Variants in NRXN3 observed in about 807,000 individuals in gnomAD.
The protein encoded by NRXN3 is neurexin III.
NRXN3 carries 32 observed loss-of-function variants against 137.6 expected under a neutral mutation model. The observed-to-expected ratio is 0.23, with a 90% confidence interval of 0.18 to 0.31. The LOEUF is 0.31. Among genes scored for constraint, NRXN3 ranks in the 10% least tolerant of loss-of-function variants. NRXN3 has a pLI of 1.00. For missense variants in NRXN3, 1,574 were observed against 2,062.5 expected, an observed-to-expected ratio of 0.76 and a Z score of 4.59; for synonymous variants, 798 against 784.5, an observed-to-expected ratio of 1.02 and a Z score of -0.29.
At chr14:78,981,721 A>G (rs1428349488) in intron 14 of NRXN3, among the ~76,000 whole-genome samples, 1 of 152,160 alleles carries the variant, frequency 6.6e-6, no homozygotes, top group African/African-American at 2.4e-5. Context: ...CTATTGTTAT[A>G]TCCTCTTTCT....
intron 6 of NRXN3, among the ~76,000 whole-genome samples, chr14:78,693,656 CGTGTGT>C (rs4016744): frequency 0.086 from 9,813 of 113,770 alleles, 463 homozygotes; most frequent in East Asian, 0.12. Context: ...AGTTGATTTT[CGTGTGT>C]GTGTGTGTGT....
At chr14:78,605,834 T>C (rs983568000) in intron 4 of NRXN3, among the ~76,000 whole-genome samples, 1 of 152,202 alleles carries the variant, frequency 6.6e-6, no homozygotes, top group Admixed American at 6.5e-5. Flanking sequence ...ATGTAAATAT[T>C]GGAACCACTT....
chr14:79,374,857 T>G (rs1221382204), intron 15 of NRXN3, among the ~76,000 whole-genome samples: 1 of 152,206 alleles, frequency 6.6e-6, no homozygotes, highest in African/African-American at 2.4e-5. Context: ...TATGCAAGAC[T>G]TCTTGGGTTT....
At chr14:78,541,038 G>C (rs2096584416) in intron 4 of NRXN3, among the ~76,000 whole-genome samples, 1 of 152,058 alleles carries the variant, frequency 6.6e-6, no homozygotes, top group Admixed American at 6.6e-5. Flanking sequence ...TTTCTCTCTG[G>C]CTACCCTTAA....
Position 78,458,218 on chromosome 14 carries a change from A to C in NRXN3, c.757+160358A>C, listed in dbSNP as rs550300140. Among the ~76,000 whole-genome samples the C allele has an allele frequency of 2.6e-5, 4 of 152,330 alleles. No homozygotes were observed. In the East Asian group the frequency reaches 7.7e-4, roughly 29 times the overall value. On this transcript the variant is annotated intron_variant, in intron 4 of 20. Transcript: ENST00000335750. ...TATTTCATTTCCAAGAATTTTTACT[A>C]TGCAACCAACCCAGAAAAAATTGTC...
intron 4 of NRXN3, among the ~76,000 whole-genome samples, chr14:78,477,116 A>G (rs1418206679): frequency 6.6e-6 from 1 of 152,106 alleles, no homozygotes; most frequent in Non-Finnish European, 1.5e-5. Flanking sequence ...ATTCTCTTCT[A>G]TGTCTCTGGG....
chr14:78,221,800 G>T (rs981621279), intron 1 of NRXN3, among the ~76,000 whole-genome samples: 2 of 152,134 alleles, frequency 1.3e-5, no homozygotes, highest in Non-Finnish European at 2.9e-5. Flanking sequence ...TCATCGTGAG[G>T]GCAGAGGTGC....
chr14:79,774,232 T>A (rs1026494845), intron 19 of NRXN3, among the ~76,000 whole-genome samples: 2 of 152,172 alleles, frequency 1.3e-5, no homozygotes, highest in Non-Finnish European at 2.9e-5. Context: ...GTTTGTTGAG[T>A]GTCTGTAATC....
At chr14:79,199,408 G>C (rs1195717923) in intron 15 of NRXN3, among the ~76,000 whole-genome samples, 1 of 152,154 alleles carries the variant, frequency 6.6e-6, no homozygotes, top group Admixed American at 6.5e-5. Context: ...GTTTGTGATT[G>C]TGCTGATGAC....
chr14:78,279,921 A>G (rs1033286237), intron 3 of NRXN3, among the ~76,000 whole-genome samples: 2 of 152,312 alleles, frequency 1.3e-5, no homozygotes, highest in Middle Eastern at 3.4e-3. Context: ...GGGATCTTAC[A>G]CAACATAAAA....
chr14:78,796,065 C>T (rs1228114380), intron 8 of NRXN3, among the ~76,000 whole-genome samples: 1 of 152,192 alleles, frequency 6.6e-6, no homozygotes, highest in Non-Finnish European at 1.5e-5. Context: ...TCATTTTCCC[C>T]AGATTCATGT....
intron 15 of NRXN3, among the ~76,000 whole-genome samples, chr14:79,358,605 A>AAGAGAGAG (rs761224624): frequency 3.7e-5 from 1 of 26,824 alleles, no homozygotes. Context: ...GAAAGAAAGA[A>AAGAGAGAG]AGAGAAAGAA....
intron 16 of NRXN3, among the ~76,000 whole-genome samples, chr14:79,539,857 T>C (rs951584029): frequency 5.9e-5 from 9 of 152,210 alleles, no homozygotes; most frequent in Non-Finnish European, 1.0e-4. Context: ...GCCTGTTCCT[T>C]GATTCCTCAT....
At chr14:79,604,031 G>A (rs778259892) in intron 16 of NRXN3, among the ~76,000 whole-genome samples, 15 of 151,856 alleles carry the variant, frequency 9.9e-5, no homozygotes, top group Admixed American at 3.9e-4. Context: ...GGAATTACAG[G>A]TCCCCACCAC....
At chr14:78,222,925 G>C (rs2153426517) in intron 1 of NRXN3, among the ~76,000 whole-genome samples, 1 of 152,322 alleles carries the variant, frequency 6.6e-6, no homozygotes, top group Middle Eastern at 3.4e-3. Context: ...AAATACATTT[G>C]AGTGGGTGAG....
chr14:78,630,757 A>G (rs991989759), intron 4 of NRXN3, among the ~76,000 whole-genome samples: 1 of 152,118 alleles, frequency 6.6e-6, no homozygotes, highest in Non-Finnish European at 1.5e-5. Flanking sequence ...GGTGCCTGCC[A>G]CAACACCCAG....
At chr14:78,604,179 T>C (rs7142458) in intron 4 of NRXN3, among the ~76,000 whole-genome samples, 48,343 of 151,986 alleles carry the variant, frequency 0.32, 8,090 homozygotes, top group Middle Eastern at 0.39. Flanking sequence ...GGAAACTGCC[T>C]CCATAATTCA....
chr14:78,303,786 G>T (rs1333709856), intron 4 of NRXN3, among the ~76,000 whole-genome samples: 1 of 152,020 alleles, frequency 6.6e-6, no homozygotes, highest in African/African-American at 2.4e-5. Context: ...AGCCTCCTAA[G>T]TCTGCCAGAC....
Position 78,275,214 on chromosome 14 carries a change from C to T in NRXN3, c.710-3431C>T, listed in dbSNP as rs1018272722. Among the ~76,000 whole-genome samples, 6 of 152,278 alleles carry T rather than the reference C, an allele frequency of 3.9e-5. 1 individual carries two copies. The South Asian group carries it at 1.0e-3, about 26-fold the overall frequency. On this transcript the variant is annotated intron_variant, in intron 2 of 20. Transcript: ENST00000335750. ...CTTCATGGCTCCAATCACTATTTGACATTATGTATCTGTTTTTATTCCCAT... is the reference window on the plus strand; with the variant it reads ...CTTCATGGCTCCAATCACTATTTGATATTATGTATCTGTTTTTATTCCCAT...
Sources: allele counts gnomAD v4.1 joint callset (sites outside exome capture counted in the v4.1 genomes callset), GRCh38; gene constraint gnomAD v4.1.1; transcripts MANE v1.5; gene names NCBI Gene and HGNC (gene_info 2026-07-23, HGNC 2026-07-21).